The following ZRANB3 variants were observed in gnomAD, a reference collection of about 807,000 sequenced individuals.
The protein encoded by ZRANB3 is DNA annealing helicase and endonuclease ZRANB3.
In ZRANB3, 125 loss-of-function variants were observed where a neutral mutation model predicts 133.8. The observed-to-expected ratio is 0.93, with a 90% CI of 0.81 to 1.08. The LOEUF (loss-of-function observed/expected upper bound fraction) is 1.08, where lower values mean the gene tolerates loss of function less well. Ranked by LOEUF, ZRANB3 falls within the 50% of genes least tolerant of loss-of-function variation. ZRANB3 has a pLI of 0.00. For synonymous variants in ZRANB3, 387 were observed against 432.7 expected (o/e 0.89, Z 1.31); for missense variants, 1,229 against 1,275.5 (o/e 0.96, Z 0.56).
At chr2:135,436,026 C>T (rs116839639) in intron 2 of ZRANB3, among the ~76,000 whole-genome samples, 1,606 of 152,216 alleles carry the variant, frequency 0.011, 12 homozygotes, top group Non-Finnish European at 0.016. Flanking sequence ...GTTGCAATTG[C>T]TATTGGTATC....
chr2:135,411,554 A>G (rs1025966440), intron 2 of ZRANB3, among the ~76,000 whole-genome samples: 2 of 152,238 alleles, frequency 1.3e-5, no homozygotes, highest in African/African-American at 4.8e-5. Context: ...AAGAAAATTT[A>G]GTATATATAC....
chr2:135,233,456 C>A (rs2105072192), intron 12 of ZRANB3, among the ~76,000 whole-genome samples: 1 of 152,278 alleles, frequency 6.6e-6, no homozygotes, highest in South Asian at 2.1e-4. Context: ...CACAAAGATA[C>A]TCCTCGAGAA....
intron 8 of ZRANB3, among the ~76,000 whole-genome samples, chr2:135,297,226 G>A (rs932717337): frequency 6.6e-6 from 1 of 152,184 alleles, no homozygotes; most frequent in South Asian, 2.1e-4. Flanking sequence ...GGGCTCCACC[G>A]AGTTCGAGCT....
intron 8 of ZRANB3, among the ~76,000 whole-genome samples, chr2:135,299,179 C>A (rs1384640551): frequency 1.3e-5 from 2 of 152,150 alleles, no homozygotes; most frequent in Non-Finnish European, 2.9e-5. Context: ...GGGACTGCTG[C>A]ATCCACTGTG....
intron 6 of ZRANB3, among the ~76,000 whole-genome samples, chr2:135,333,618 A>C (rs150504267): frequency 1.9e-3 from 286 of 152,312 alleles, no homozygotes; most frequent in African/African-American, 6.4e-3. Context: ...TAAGTTTTAC[A>C]TTATAGGGAC....
intron 8 of ZRANB3, among the ~76,000 whole-genome samples, chr2:135,277,974 G>A (rs1402598473): frequency 6.6e-6 from 1 of 150,398 alleles, no homozygotes; most frequent in East Asian, 1.9e-4. Flanking sequence ...TAATTAGGTA[G>A]GGGATCAGGT....
chr2:135,419,917 T>G (rs1455132076), intron 2 of ZRANB3, among the ~76,000 whole-genome samples: 1 of 151,510 alleles, frequency 6.6e-6, no homozygotes, highest in African/African-American at 2.4e-5. Context: ...CTGGCTCTGT[T>G]TGTTAGGTTT....
chr2:135,348,164 C>A lies in ZRANB3; in HGVS notation c.591+1820G>T, dbSNP rs371094662. ...ATCCCAGCTACTCGGGAGGCTGAGG[C>A]AGAAGAATTGCTTGAACCTGGGAGG... is the stretch of plus-strand genomic sequence containing the variant. On this transcript the variant is annotated intron_variant, in intron 5 of 20. Coordinates refer to ENST00000264159, the MANE Select transcript of ZRANB3 (RefSeq NM_032143.4). 2.6e-5 allele frequency among the ~76,000 whole-genome samples: 4 copies of A among 151,310 alleles called. No homozygotes were observed. In the East Asian group the frequency reaches 5.8e-4, roughly 22 times the overall value.
intron 1 of ZRANB3, among the ~76,000 whole-genome samples, chr2:135,522,314 T>C (rs149676421): frequency 2.0e-4 from 31 of 152,144 alleles, no homozygotes; most frequent in Middle Eastern, 6.3e-3. Flanking sequence ...AACCAATAAA[T>C]TGGGTGGAGG....
intron 3 of ZRANB3, among the ~76,000 whole-genome samples, chr2:135,389,281 G>T (rs1687116739): frequency 6.6e-6 from 1 of 152,124 alleles, no homozygotes; most frequent in East Asian, 1.9e-4. Flanking sequence ...TTGAATGAAA[G>T]AAGAGTTCAA....
chr2:135,200,928 G>T (rs1693598492), intron 20 of ZRANB3, among the ~76,000 whole-genome samples: 3 of 152,016 alleles, frequency 2.0e-5, no homozygotes, highest in Non-Finnish European at 4.4e-5. Context: ...GCTAATTTTT[G>T]TATTTTTAGT....
At chr2:135,428,366 C>A (rs1689180705) in intron 2 of ZRANB3, among the ~76,000 whole-genome samples, 2 of 148,176 alleles carry the variant, frequency 1.3e-5, no homozygotes, top group Non-Finnish European at 3.0e-5. Flanking sequence ...TCACTTGAAC[C>A]TGGGAGCCAA....
chr2:135,404,119 TGA>T (rs1300142691), intron 2 of ZRANB3, among the ~76,000 whole-genome samples: 3 of 151,942 alleles, frequency 2.0e-5, no homozygotes, highest in African/African-American at 7.3e-5. Flanking sequence ...TTTGACGAGG[TGA>T]GAGAAGAAGG....
chr2:135,364,749 T>C (rs1240242274), intron 3 of ZRANB3, among the ~76,000 whole-genome samples: 1 of 151,294 alleles, frequency 6.6e-6, no homozygotes, highest in Non-Finnish European at 1.5e-5. Context: ...AGAGAGACCC[T>C]GTCACAAAAA....
At chr2:135,280,459 C>T (rs1420002653) in intron 8 of ZRANB3, among the ~76,000 whole-genome samples, 1 of 151,996 alleles carries the variant, frequency 6.6e-6, no homozygotes, top group Non-Finnish European at 1.5e-5. Flanking sequence ...CCCAGCTACT[C>T]GGGAGGCTGA....
intron 2 of ZRANB3, among the ~76,000 whole-genome samples, chr2:135,421,596 C>A (rs1688844643): frequency 6.6e-6 from 1 of 152,148 alleles, no homozygotes; most frequent in African/African-American, 2.4e-5. Context: ...AGATTTCCAA[C>A]ATATTCCACA....
At chr2:135,279,804 CTAAA>C (rs1206609973) in intron 8 of ZRANB3, among the ~76,000 whole-genome samples, 5 of 152,138 alleles carry the variant, frequency 3.3e-5, no homozygotes, top group African/African-American at 1.2e-4. Context: ...ACATAACTGA[CTAAA>C]TAGGCTCTTA....
chr2:135,230,742 C>T lies in ZRANB3; in HGVS notation c.1725G>A (p.Thr575=), dbSNP rs531673790. The T allele has an allele frequency of 4.3e-5, 70 of 1,613,346 alleles. No homozygotes were observed. In the South Asian group the frequency reaches 5.8e-4, roughly 13 times the overall value. The change falls in exon 13 of 21, where the codon ACG becomes ACA. Residue 575 remains threonine (T), a synonymous_variant. Coordinates refer to ENST00000264159, the MANE Select transcript of ZRANB3 (RefSeq NM_032143.4). ...IDYESDVEPE[T]KRLKLAASED... ...CCGAGGCAGCCAATTTCAATCTTTT[C>T]GTTTCAGGTTCAACATCACTTTCAT...
intron 1 of ZRANB3, among the ~76,000 whole-genome samples, chr2:135,520,580 T>C (rs1004305499): frequency 5.3e-5 from 8 of 151,676 alleles, no homozygotes; most frequent in Non-Finnish European, 1.0e-4. Flanking sequence ...ACCTGGCTAA[T>C]TGTTTTTTTG....
Sources: gnomAD v4.1 joint callset for allele counts (sites outside exome capture counted in the v4.1 genomes callset) on GRCh38, gnomAD v4.1.1 for gene constraint, MANE v1.5 for transcripts, NCBI Gene and HGNC (gene_info 2026-07-23, HGNC 2026-07-21) for gene names.